The following ADAM9 variants were observed in gnomAD, a reference collection of about 807,000 sequenced individuals.
The protein encoded by ADAM9 is disintegrin and metalloproteinase domain-containing protein 9.
ADAM9 carries 54 observed loss-of-function variants against 108.1 expected under a neutral mutation model. The ratio of observed to expected loss-of-function variants is 0.50; its 90% CI spans 0.40 to 0.63. The LOEUF (loss-of-function observed/expected upper bound fraction) is 0.63, where lower values mean the gene tolerates loss of function less well. Among genes scored for constraint, ADAM9 ranks in the 20% least tolerant of loss-of-function variants. The probability of loss-of-function intolerance (pLI) is 0.00; values close to 1 mark genes in which losing one functional copy is unlikely to be tolerated. For missense variants in ADAM9, 830 were observed against 997.7 expected (o/e 0.83, Z 2.26); for synonymous variants, 316 against 336.0 (o/e 0.94, Z 0.65).
chr8:39,006,300 A>G (rs767521718), intron 1 of ADAM9, among the ~76,000 whole-genome samples: 1 of 152,178 alleles, frequency 6.6e-6, no homozygotes, highest in African/African-American at 2.4e-5. Flanking sequence ...CTGTTTATAC[A>G]TGCAGTACAT....
intron 1 of ADAM9, among the ~76,000 whole-genome samples, chr8:38,999,421 G>C (rs1283738846): frequency 6.6e-6 from 1 of 151,550 alleles, no homozygotes; most frequent in Non-Finnish European, 1.5e-5. Context: ...TTCTAAGGTA[G>C]TAATTATGAG....
chr8:39,053,095 G>C (rs970720800), intron 12 of ADAM9, among the ~76,000 whole-genome samples: 5 of 152,088 alleles, frequency 3.3e-5, no homozygotes, highest in African/African-American at 1.2e-4. Context: ...ATGATGCATT[G>C]AGCATGTTTT....
At position 38,997,007 on chromosome 8, in the gene ADAM9, G is replaced by C; in HGVS notation, c.-57G>C. The C allele has an allele frequency of 6.3e-7, 1 of 1,581,056 alleles. No homozygotes were observed. Among genetic ancestry groups the C allele is most frequent in the Middle Eastern group, 1.7e-4 (1 of 6,032 alleles). Reference sequence around the variant, plus strand: ...GCCCCGGCAGGGTTGGAAAATGATGGAAGAGGCGGAGGTGGAGGCGACCGA... The same window carrying C: ...GCCCCGGCAGGGTTGGAAAATGATGCAAGAGGCGGAGGTGGAGGCGACCGA... On this transcript the variant is annotated 5_prime_UTR_variant, in exon 1 of 22. Coordinates refer to ENST00000487273, the MANE Select transcript of ADAM9 (RefSeq NM_003816.3).
intron 20 of ADAM9, among the ~76,000 whole-genome samples, chr8:39,100,035 A>C (rs772531901): frequency 2.0e-5 from 3 of 151,822 alleles, no homozygotes; most frequent in South Asian, 4.2e-4. Flanking sequence ...GTGCGCCATC[A>C]TGCCCGGGTG....
In ADAM9 at chr8:39,104,933, G is replaced by A. The variant is rs1037679273; in HGVS notation, c.*1233G>A. The A allele has an allele frequency of 2.1e-5, 9 of 427,564 alleles. No individual in the cohort carries two copies. Among genetic ancestry groups the A allele is most frequent in the Admixed American group, 1.1e-4 (4 of 35,156 alleles). The allele number at this position is 427,564 out of a possible 1,614,324, so 26.5% of individuals were successfully genotyped here. On this transcript the variant is annotated 3_prime_UTR_variant, in exon 22 of 22. Transcript: ENST00000487273. ...TGAATTTCATTAGTTTTTTAAAAGT[G>A]TTTTTGGTTTGTGTATATATACATA...
chr8:38,999,461 A>AC (rs1197649896), intron 1 of ADAM9, among the ~76,000 whole-genome samples: 1 of 152,154 alleles, frequency 6.6e-6, no homozygotes, highest in Non-Finnish European at 1.5e-5. Context: ...TTTTAAACAA[A>AC]GACTGGCATT....
At chr8:39,068,464 C>G (rs1838563334) in intron 14 of ADAM9, among the ~76,000 whole-genome samples, 1 of 151,754 alleles carries the variant, frequency 6.6e-6, no homozygotes, top group Admixed American at 6.6e-5. Context: ...TGCCTGAGGT[C>G]AGGAGTTCGA....
At chr8:39,093,545 T>G (rs934425311) in intron 20 of ADAM9, among the ~76,000 whole-genome samples, 2 of 152,222 alleles carry the variant, frequency 1.3e-5, no homozygotes, top group Non-Finnish European at 2.9e-5. Context: ...AAGGACAGTT[T>G]TACTTCTTCC....
chr8:39,043,748 A>T (rs4733903), intron 12 of ADAM9, among the ~76,000 whole-genome samples: 120,946 of 152,050 alleles, frequency 0.8, 48,310 homozygotes, highest in East Asian at 0.94. Context: ...TTGTACCCAA[A>T]AGGTAATTTT....
chr8:39,007,021 G>C (rs1241597315), intron 1 of ADAM9, among the ~76,000 whole-genome samples: 3 of 152,152 alleles, frequency 2.0e-5, no homozygotes, highest in South Asian at 2.1e-4. Flanking sequence ...GAGTACCTGA[G>C]ACTGGGTAAT....
At chr8:39,001,893 C>T (rs1283622710) in intron 1 of ADAM9, among the ~76,000 whole-genome samples, 2 of 152,062 alleles carry the variant, frequency 1.3e-5, no homozygotes, top group African/African-American at 2.4e-5. Flanking sequence ...TGGTCTTGAA[C>T]TCCTGACCTT....
chr8:39,089,280 T>C (rs1189944998), intron 18 of ADAM9, among the ~76,000 whole-genome samples: 1 of 151,982 alleles, frequency 6.6e-6, no homozygotes, highest in East Asian at 1.9e-4. Context: ...TATCAACTCA[T>C]AGTATAAAAA....
At chr8:39,061,348 G>C (rs1838292692) in intron 14 of ADAM9, among the ~76,000 whole-genome samples, 1 of 152,196 alleles carries the variant, frequency 6.6e-6, no homozygotes, top group Admixed American at 6.5e-5. Flanking sequence ...AAACCCACAA[G>C]GTGGGTTCAG....
chr8:39,058,755 A>G (rs1838204207), intron 14 of ADAM9, among the ~76,000 whole-genome samples: 2 of 152,154 alleles, frequency 1.3e-5, no homozygotes, highest in South Asian at 4.1e-4. Flanking sequence ...TTTTGGAACT[A>G]AGGCCTCTAG....
intron 15 of ADAM9, 103 bp from the exon 16 acceptor site, chr8:39,077,125 C>T: frequency 8.0e-7 from 1 of 1,256,782 alleles, no homozygotes. Flanking sequence ...GTTGAGATTC[C>T]CTCCATAGCA....
At chr8:39,055,515 A>G (rs1484709368) in intron 13 of ADAM9, 62 bp from the exon 14 acceptor site, 3 of 1,533,360 alleles carry the variant, frequency 2.0e-6, no homozygotes, top group East Asian at 2.3e-5. Flanking sequence ...GTGGTTTCAC[A>G]TTTGATTAAT....
At chr8:39,055,031 C>CT (rs887954267) in intron 13 of ADAM9, among the ~76,000 whole-genome samples, 1 of 152,018 alleles carries the variant, frequency 6.6e-6, no homozygotes, top group African/African-American at 2.4e-5. Context: ...ACACCATGGA[C>CT]TTTTTTCCCA....
intron 1 of ADAM9, among the ~76,000 whole-genome samples, chr8:39,006,735 A>AC (rs1192646799): frequency 1.3e-5 from 2 of 151,962 alleles, no homozygotes; most frequent in Non-Finnish European, 2.9e-5. Context: ...TGACTTTAGA[A>AC]CCCAAGCCCT....
At position 39,104,068 on chromosome 8, in the gene ADAM9, T is replaced by C. The variant is rs1564398252; in HGVS notation, c.*368T>C. 2.1e-6 allele frequency: 1 copy of C among 467,450 alleles called. No individual in the cohort carries two copies. The highest frequency in any genetic ancestry group is 2.3e-5 in the Admixed American group (1 of 42,952). The allele number at this position is 467,450 out of a possible 1,614,324, so 29.0% of individuals were successfully genotyped here. On this transcript the variant is annotated 3_prime_UTR_variant, in exon 22 of 22. Coordinates refer to ENST00000487273, the MANE Select transcript of ADAM9 (RefSeq NM_003816.3). ...AGTGTTTAAGTGTTATTCTGAATTT[T>C]CTACCTTAGTTATCATTAATGTAGT...
Sources: allele counts gnomAD v4.1 joint callset (sites outside exome capture counted in the v4.1 genomes callset), GRCh38; gene constraint gnomAD v4.1.1; transcripts MANE v1.5; gene names NCBI Gene and HGNC (gene_info 2026-07-23, HGNC 2026-07-21).